IL1RAPL2: variants seen among roughly 807,000 people sequenced by gnomAD.
IL1RAPL2 encodes X-linked interleukin-1 receptor accessory protein-like 2.
In IL1RAPL2, 3 loss-of-function variants were observed where a neutral mutation model predicts 44.1. The observed-to-expected ratio is 0.07, with a 90% CI of 0.03 to 0.18. IL1RAPL2 has a LOEUF of 0.18. Ranked by LOEUF, IL1RAPL2 falls within the 10% of genes least tolerant of loss-of-function variation. The pLI is 1.00. For synonymous variants in IL1RAPL2, 181 were observed against 178.8 expected (o/e 1.01, Z -0.10); for missense variants, 391 against 496.4 (o/e 0.79, Z 2.02).
At chrX:105,592,060 T>C (rs1467173669) in intron 6 of IL1RAPL2, among the ~76,000 whole-genome samples, 1 of 111,955 alleles carries the variant, frequency 8.9e-6, no homozygotes, top group Admixed American at 9.5e-5. Context: ...AGTCTCTTAA[T>C]TGGTCTCTAA....
At chrX:104,901,253 C>A (rs1476521043) in intron 2 of IL1RAPL2, among the ~76,000 whole-genome samples, 1 of 77,170 alleles carries the variant, frequency 1.3e-5, no homozygotes, top group Non-Finnish European at 2.2e-5. Context: ...CTCTGTTGCT[C>A]AGGCTGGAGT....
At chrX:105,079,721 T>C (rs2032374585) in intron 2 of IL1RAPL2, among the ~76,000 whole-genome samples, 1 of 110,398 alleles carries the variant, frequency 9.1e-6, no homozygotes, top group South Asian at 4.0e-4. Flanking sequence ...TTCCCAGTAA[T>C]AGGATTGCTG....
intron 2 of IL1RAPL2, among the ~76,000 whole-genome samples, chrX:104,668,473 C>T (rs1421168153): frequency 1.4e-5 from 1 of 73,060 alleles, no homozygotes; most frequent in African/African-American, 5.3e-5. Flanking sequence ...CTATCCCTCC[C>T]CCCTCCCCCC....
intron 2 of IL1RAPL2, among the ~76,000 whole-genome samples, chrX:104,935,719 T>C (rs1030050557): frequency 1.8e-5 from 2 of 112,118 alleles, no homozygotes; most frequent in Non-Finnish European, 3.8e-5. Flanking sequence ...GTTTTTTTCA[T>C]TTATTCTGTT....
chrX:104,950,913 A>C (rs1925563698), intron 2 of IL1RAPL2, among the ~76,000 whole-genome samples: 1 of 111,100 alleles, frequency 9.0e-6, no homozygotes, highest in Non-Finnish European at 1.9e-5. Context: ...TGAAAAGCGC[A>C]GTATTTGGGT....
At chrX:105,462,926 C>A (rs1187769123) in intron 5 of IL1RAPL2, among the ~76,000 whole-genome samples, 1 of 110,994 alleles carries the variant, frequency 9.0e-6, no homozygotes, top group Non-Finnish European at 1.9e-5. Flanking sequence ...AGTCCTTACC[C>A]CCATTTTCTC....
chrX:105,260,010 T>G (rs2034344394), intron 4 of IL1RAPL2, among the ~76,000 whole-genome samples: 1 of 112,161 alleles, frequency 8.9e-6, no homozygotes, highest in Admixed American at 9.4e-5. Flanking sequence ...AGCCTGCCTC[T>G]CCCTCCGGGA....
intron 2 of IL1RAPL2, among the ~76,000 whole-genome samples, chrX:105,036,637 C>G (rs967145038): frequency 1.3e-4 from 15 of 112,146 alleles, no homozygotes; most frequent in African/African-American, 3.2e-5. Context: ...ACTTGCTTGT[C>G]TGTCCTGCAC....
chrX:104,617,477 T>C (rs1407263548), intron 1 of IL1RAPL2, among the ~76,000 whole-genome samples: 1 of 112,328 alleles, frequency 8.9e-6, no homozygotes, highest in Non-Finnish European at 1.9e-5. Context: ...TGTTTACTTT[T>C]TCTTCCCTCT....
intron 2 of IL1RAPL2, among the ~76,000 whole-genome samples, chrX:105,091,934 G>A (rs1301894279): frequency 9.0e-6 from 1 of 111,675 alleles, no homozygotes; most frequent in Non-Finnish European, 1.9e-5. Flanking sequence ...TAGTTGTGAG[G>A]AATTGAGACA....
intron 2 of IL1RAPL2, among the ~76,000 whole-genome samples, chrX:105,062,721 AT>A (rs902515067): frequency 7.2e-5 from 8 of 110,543 alleles, no homozygotes; most frequent in African/African-American, 2.3e-4. Flanking sequence ...GGGTAAAAGT[AT>A]TTTTTTTCCT....
intron 2 of IL1RAPL2, among the ~76,000 whole-genome samples, chrX:104,835,409 T>A: frequency 8.9e-6 from 1 of 111,964 alleles, no homozygotes. Context: ...TTAACTTTGG[T>A]GTTTAAGTCT....
chrX:104,831,972 G>C (rs1168310374), intron 2 of IL1RAPL2, among the ~76,000 whole-genome samples: 1 of 111,578 alleles, frequency 9.0e-6, no homozygotes, highest in East Asian at 2.8e-4. Flanking sequence ...CTTGTAATTA[G>C]ATATGCAGTT....
chrX:105,555,793 G>A lies in IL1RAPL2; in HGVS notation c.772+71406G>A, dbSNP rs138960542. 7.6e-3 allele frequency among the ~76,000 whole-genome samples: 850 copies of A among 112,186 alleles called. 7 individuals carry two copies. The highest frequency in any genetic ancestry group is 0.026 in the African/African-American group (798 of 30,964). ...CTTCAAATGAGAGGTATGTTAGGTT[G>A]TCATCACTGGGCAACTAAACATTTG... On this transcript the variant is annotated intron_variant, in intron 6 of 10. Transcript: ENST00000372582.
chrX:105,557,225 T>C (rs2036902642), intron 6 of IL1RAPL2, among the ~76,000 whole-genome samples: 1 of 111,925 alleles, frequency 8.9e-6, no homozygotes, highest in African/African-American at 3.2e-5. Context: ...TCTGCATTTC[T>C]ATTAGTGGTG....
intron 2 of IL1RAPL2, among the ~76,000 whole-genome samples, chrX:104,744,133 A>G (rs2147579610): frequency 9.0e-6 from 1 of 110,746 alleles, no homozygotes; most frequent in African/African-American, 3.3e-5. Flanking sequence ...GGAGGTAGGA[A>G]AGGGTCAGAC....
chrX:105,517,982 G>T (rs1211744687), intron 6 of IL1RAPL2, among the ~76,000 whole-genome samples: 1 of 111,229 alleles, frequency 9.0e-6, no homozygotes, highest in Non-Finnish European at 1.9e-5. Context: ...TGATGAATAA[G>T]GCAGAAACAT....
intron 6 of IL1RAPL2, among the ~76,000 whole-genome samples, chrX:105,628,934 C>G (rs1228213080): frequency 3.2e-5 from 3 of 92,738 alleles, no homozygotes; most frequent in Admixed American, 1.2e-4. Flanking sequence ...CAGAATGAGA[C>G]TTCATCTCAA....
chrX:105,750,846 A>C (rs1356619808), intron 9 of IL1RAPL2, among the ~76,000 whole-genome samples: 2 of 106,409 alleles, frequency 1.9e-5, no homozygotes, highest in African/African-American at 7.0e-5. Context: ...AAAAATCTTG[A>C]CTTCTTATCT....
Sources: allele counts gnomAD v4.1 joint callset (sites outside exome capture counted in the v4.1 genomes callset), GRCh38; gene constraint gnomAD v4.1.1; transcripts MANE v1.5; gene names NCBI Gene and HGNC (gene_info 2026-07-23, HGNC 2026-07-21).